The following UTP6 variants were observed in gnomAD, a reference collection of about 807,000 sequenced individuals.
The protein encoded by UTP6 is UTP6 small subunit processome component, also known as U3 small nucleolar RNA-associated protein 6 homolog.
Under a neutral mutation model 96.5 loss-of-function variants are expected in UTP6, and 60 were observed. That is an observed-to-expected ratio of 0.62 (90% CI 0.51 to 0.77). The LOEUF (loss-of-function observed/expected upper bound fraction) is 0.77, where lower values mean the gene tolerates loss of function less well. Ranked by LOEUF, UTP6 falls within the 30% of genes least tolerant of loss-of-function variation. The pLI is 0.00. For missense variants in UTP6, 637 were observed against 706.5 expected (o/e 0.90, Z 1.12); for synonymous variants, 215 against 240.1 (o/e 0.90, Z 0.96).
intron 9 of UTP6, 91 bp downstream of exon 9, chr17:31,885,889 C>G: frequency 8.7e-7 from 1 of 1,149,862 alleles, no homozygotes; most frequent in Admixed American, 2.1e-5. Context: ...TATACACATT[C>G]TAATGGAAAA....
At chr17:31,879,383 C>CT (rs1598104571) in intron 11 of UTP6, among the ~76,000 whole-genome samples, 1 of 151,816 alleles carries the variant, frequency 6.6e-6, no homozygotes, top group African/African-American at 2.4e-5. Context: ...GCGTGAGACT[C>CT]TGTCTCAAAA....
Position 31,877,795 on chromosome 17 carries a change from C to T in UTP6, c.1125+455G>A, listed in dbSNP as rs1910580805. 4.6e-5 allele frequency among the ~76,000 whole-genome samples: 7 copies of T among 151,904 alleles called. No individual in the cohort carries two copies. The South Asian group carries it at 1.5e-3, about 31-fold the overall frequency. On this transcript the variant is annotated intron_variant, in intron 13 of 18. Coordinates refer to ENST00000261708, the MANE Select transcript of UTP6 (RefSeq NM_018428.3). ...CAGCCCAGCCAAGATGGTGAAATCC[C>T]GTCTCTACCAAAAATACAAAAATTA...
At chr17:31,875,212 A>G (rs575977416) in intron 14 of UTP6, 22 bp downstream of exon 14, 20 of 1,612,334 alleles carry the variant, frequency 1.2e-5, no homozygotes, top group Non-Finnish European at 1.5e-5. Context: ...TATAATGAAT[A>G]CAAAAGATCC....
Position 31,892,757 on chromosome 17 carries a change from C to G in UTP6, c.350G>C (p.Cys117Ser), listed in dbSNP as rs1158293002. ...CATGGCTTTACTCACCCACTTCTTA[C>G]AAAAAGCCACATAGGAGAGCCAAAG... ...VQLWLSYVAF[C>S]KKWATKTRLS... The change falls in exon 5 of 19, where the codon TGT becomes TCT. Residue 117 changes from cysteine (C) to serine (S), a missense_variant. Cys to Ser is a moderately radical substitution (Grantham distance 112, BLOSUM62 -1). Coordinates refer to ENST00000261708, the MANE Select transcript of UTP6 (RefSeq NM_018428.3). The G allele has an allele frequency of 2.5e-6, 4 of 1,614,116 alleles. No individual in the cohort carries two copies. Among genetic ancestry groups the G allele is most frequent in the Non-Finnish European group, 3.4e-6 (4 of 1,180,010 alleles).
chr17:31,865,972 T>A (rs920044395), intron 17 of UTP6, among the ~76,000 whole-genome samples: 1 of 152,182 alleles, frequency 6.6e-6, no homozygotes, highest in Non-Finnish European at 1.5e-5. Context: ...TGATGAATTA[T>A]GTACCTAGCA....
At chr17:31,870,665 G>A (rs1010927326) in intron 16 of UTP6, among the ~76,000 whole-genome samples, 1 of 151,618 alleles carries the variant, frequency 6.6e-6, no homozygotes, top group African/African-American at 2.4e-5. Context: ...GGGACTACAG[G>A]CGCCCGCCAC....
chr17:31,901,635 G>A lies in UTP6; in HGVS notation c.-8C>T. On this transcript the variant is annotated 5_prime_UTR_variant, in exon 1 of 19. Coordinates refer to ENST00000261708, the MANE Select transcript of UTP6 (RefSeq NM_018428.3). ...CTGAATTATCTCTGCCATGAGGTCC[G>A]AGGTCTACAACCCCGCGGGTAGCTT... 6.2e-7 allele frequency: 1 copy of A among 1,613,232 alleles called. No homozygotes were observed. Among genetic ancestry groups the A allele is most frequent in the Non-Finnish European group, 8.5e-7 (1 of 1,179,972 alleles).
chr17:31,895,058 A>C, intron 2 of UTP6, 47 bp from the exon 3 acceptor site: 1 of 1,396,276 alleles, frequency 7.2e-7, no homozygotes, highest in Non-Finnish European at 9.7e-7. Context: ...GAAAATCTAA[A>C]ACCTTTTAAA....
chr17:31,875,923 G>C (rs190553629), intron 13 of UTP6, among the ~76,000 whole-genome samples: 2 of 151,894 alleles, frequency 1.3e-5, no homozygotes, highest in African/African-American at 4.8e-5. Context: ...GAACAATTTA[G>C]AATTTCTCCT....
At position 31,886,070 on chromosome 17, in the gene UTP6, T is replaced by A; in HGVS notation, c.622-9A>T. On this transcript the variant is annotated splice_polypyrimidine_tract_variant and intron_variant, in intron 8 of 18. Transcript: ENST00000261708. Reference sequence around the variant, plus strand: ...GAATAATCAGGATTCTCCTAAAGAGTGTTATATCAAACGTAACTTAACAGG... The same window carrying A: ...GAATAATCAGGATTCTCCTAAAGAGAGTTATATCAAACGTAACTTAACAGG... 4 of 1,609,684 alleles carry A rather than the reference T, an allele frequency of 2.5e-6. No homozygotes were observed. Among genetic ancestry groups the A allele is most frequent in the Non-Finnish European group, 3.4e-6 (4 of 1,178,760 alleles).
At chr17:31,876,630 G>A (rs1910517189) in intron 13 of UTP6, among the ~76,000 whole-genome samples, 1 of 151,286 alleles carries the variant, frequency 6.6e-6, no homozygotes, top group Non-Finnish European at 1.5e-5. Context: ...GGCAACAAGA[G>A]CGAAACTCCG....
chr17:31,876,575 C>A (rs1047661989), intron 13 of UTP6, among the ~76,000 whole-genome samples: 1 of 151,122 alleles, frequency 6.6e-6, no homozygotes, highest in Admixed American at 6.6e-5. Flanking sequence ...ACCCAGGAGG[C>A]GGAGGTTGAG....
At chr17:31,884,307 T>C in intron 10 of UTP6, 117 bp downstream of exon 10, 1 of 834,720 alleles carries the variant, frequency 1.2e-6, no homozygotes, top group Non-Finnish European at 1.8e-6. Context: ...CAATATTAGC[T>C]TTTATTCCAG....
chr17:31,898,979 C>T lies in UTP6; in HGVS notation c.177+667G>A, dbSNP rs879835979. 2.6e-5 allele frequency among the ~76,000 whole-genome samples: 4 copies of T among 152,226 alleles called. No homozygotes were observed. The South Asian group carries it at 8.3e-4, about 32-fold the overall frequency. On this transcript the variant is annotated intron_variant, in intron 2 of 18. Coordinates refer to ENST00000261708, the MANE Select transcript of UTP6 (RefSeq NM_018428.3). ...CCCGGAAGGCAGTGGTTGCAGTGAG[C>T]CAAGATCGCGCCACTGCACTCCAGC...
intron 4 of UTP6, 127 bp downstream of exon 4, chr17:31,894,518 T>C (rs988551359): frequency 1.5e-6 from 1 of 658,724 alleles, no homozygotes; most frequent in Non-Finnish European, 2.5e-6. Context: ...TGAGTAATGA[T>C]ACCATCATTA....
Position 31,892,255 on chromosome 17 carries a change from C to T in UTP6, c.424+5G>A. ...ATAGAAAAATTGACAAAGATTTCAC[C>T]ATACCTGGTTTGTTGGAATGAATCG... On this transcript the variant is annotated splice_donor_5th_base_variant and intron_variant, in intron 6 of 18. Transcript: ENST00000261708. The T allele has an allele frequency of 1.2e-6, 2 of 1,613,954 alleles. No homozygotes were observed. The highest frequency in any genetic ancestry group is 1.1e-5 in the South Asian group (1 of 91,066).
In UTP6 at chr17:31,885,961, A is replaced by G; in HGVS notation, c.703+19T>C. On this transcript the variant is annotated intron_variant, in intron 9 of 18. Coordinates refer to ENST00000261708, the MANE Select transcript of UTP6 (RefSeq NM_018428.3). ...ATGTTTCACTTTCCTACCAAAAATA[A>G]TGTTCAAAAGATACCTACCTTTAAT... 2 of 1,594,306 alleles carry G rather than the reference A, an allele frequency of 1.3e-6. No individual in the cohort carries two copies. The highest frequency in any genetic ancestry group is 1.7e-6 in the Non-Finnish European group (2 of 1,171,432).
intron 6 of UTP6, among the ~76,000 whole-genome samples, chr17:31,891,760 C>T (rs929823043): frequency 6.6e-6 from 1 of 152,174 alleles, no homozygotes; most frequent in Non-Finnish European, 1.5e-5. Flanking sequence ...TGGTGGCTCA[C>T]GCCTGTAATC....
At chr17:31,885,938 G>A in intron 9 of UTP6, 42 bp downstream of exon 9, 1 of 1,551,656 alleles carries the variant, frequency 6.4e-7, no homozygotes, top group Non-Finnish European at 8.8e-7. Flanking sequence ...AGAAAAGAAT[G>A]TTTCACTTTC....
Sources: gnomAD v4.1 joint callset for allele counts (sites outside exome capture counted in the v4.1 genomes callset) on GRCh38, gnomAD v4.1.1 for gene constraint, MANE v1.5 for transcripts, NCBI Gene and HGNC (gene_info 2026-07-23, HGNC 2026-07-21) for gene names.